NAALADL2: variants seen among roughly 807,000 people sequenced by gnomAD.
NAALADL2 encodes the protein N-acetylated alpha-linked acidic dipeptidase like 2, also known as inactive N-acetylated-alpha-linked acidic dipeptidase-like protein 2.
NAALADL2 carries 76 observed loss-of-function variants against 87.2 expected under a neutral mutation model. The ratio of observed to expected loss-of-function variants is 0.87; its 90% CI spans 0.72 to 1.05. The LOEUF (loss-of-function observed/expected upper bound fraction) is 1.05, where lower values mean the gene tolerates loss of function less well. Ranked by LOEUF, NAALADL2 falls within the 50% of genes least tolerant of loss-of-function variation. The pLI is 0.00. For missense variants in NAALADL2, 1,089 were observed against 945.8 expected, an observed-to-expected ratio of 1.15 and a Z score of -1.99; for synonymous variants, 354 against 331.0, an observed-to-expected ratio of 1.07 and a Z score of -0.75.
At chr3:174,734,439 A>G (rs921623701) in intron 2 of NAALADL2, among the ~76,000 whole-genome samples, 4 of 152,204 alleles carry the variant, frequency 2.6e-5, no homozygotes, top group African/African-American at 9.6e-5. Context: ...GGATACTGGG[A>G]AGTCCAAGAT....
At chr3:175,041,217 C>A (rs1003940095) in intron 1 of NAALADL2, among the ~76,000 whole-genome samples, 1 of 152,056 alleles carries the variant, frequency 6.6e-6, no homozygotes, top group Admixed American at 6.6e-5. Context: ...TCATTTGGCA[C>A]TTCTTCAAGG....
At chr3:175,369,563 A>C (rs1016437675) in intron 5 of NAALADL2, 1 of 152,326 alleles carries the variant, frequency 6.6e-6, no homozygotes, top group Non-Finnish European at 1.5e-5. Context: ...TATACACCTG[A>C]TATGTGTATG....
chr3:174,544,770 C>G (rs147382981), intron 1 of NAALADL2, among the ~76,000 whole-genome samples: 2 of 151,668 alleles, frequency 1.3e-5, no homozygotes, highest in African/African-American at 4.8e-5. Flanking sequence ...GGAGTTTCAC[C>G]GTGTTGGCCA....
intron 5 of NAALADL2, among the ~76,000 whole-genome samples, chr3:175,357,799 C>T (rs543921019): frequency 1.3e-5 from 2 of 152,190 alleles, no homozygotes; most frequent in South Asian, 2.1e-4. Flanking sequence ...GGAGGTTCTA[C>T]TTTATACCTT....
At chr3:174,732,911 C>T (rs568045803) in intron 2 of NAALADL2, among the ~76,000 whole-genome samples, 60 of 152,050 alleles carry the variant, frequency 3.9e-4, no homozygotes, top group African/African-American at 1.4e-3. Context: ...TAGGAAAATC[C>T]AAAATACATG....
intron 5 of NAALADL2, among the ~76,000 whole-genome samples, chr3:175,405,078 T>C (rs191101837): frequency 6.6e-6 from 1 of 152,276 alleles, no homozygotes; most frequent in African/African-American, 2.4e-5. Flanking sequence ...CTTAATTCAT[T>C]GTAACTCATG....
chr3:175,254,480 T>G (rs1469328108), intron 3 of NAALADL2, among the ~76,000 whole-genome samples: 1 of 152,202 alleles, frequency 6.6e-6, no homozygotes, highest in East Asian at 1.9e-4. Context: ...TGTGGTAGTA[T>G]GGAACTGAAC....
intron 2 of NAALADL2, among the ~76,000 whole-genome samples, chr3:175,176,836 T>C (rs1465033407): frequency 2.6e-5 from 4 of 152,100 alleles, no homozygotes; most frequent in African/African-American, 7.2e-5. Flanking sequence ...AACATAGTAC[T>C]GCTGAAACCT....
At chr3:175,033,890 A>C (rs1242612840) in intron 1 of NAALADL2, among the ~76,000 whole-genome samples, 3 of 152,188 alleles carry the variant, frequency 2.0e-5, no homozygotes, top group Non-Finnish European at 4.4e-5. Flanking sequence ...ACTCATATAT[A>C]GAGCTGCCTA....
intron 3 of NAALADL2, among the ~76,000 whole-genome samples, chr3:174,843,403 G>T (rs897679476): frequency 2.0e-4 from 31 of 151,954 alleles, no homozygotes; most frequent in African/African-American, 7.5e-4. Context: ...GCATTCCACT[G>T]ATGATATATA....
intron 3 of NAALADL2, among the ~76,000 whole-genome samples, chr3:174,769,397 TGA>T (rs2109101432): frequency 6.6e-6 from 1 of 152,160 alleles, no homozygotes; most frequent in South Asian, 2.1e-4. Flanking sequence ...CTGTGTTGTT[TGA>T]GTGAGGTGAG....
chr3:175,081,313 G>A (rs1343888850), intron 1 of NAALADL2: 1 of 152,152 alleles, frequency 6.6e-6, no homozygotes, highest in Non-Finnish European at 1.5e-5. Flanking sequence ...TAAGCCAAGT[G>A]TATACACTTT....
At chr3:175,723,973 C>T (rs958571903) in intron 11 of NAALADL2, among the ~76,000 whole-genome samples, 1 of 152,010 alleles carries the variant, frequency 6.6e-6, no homozygotes, top group African/African-American at 2.4e-5. Flanking sequence ...TCCTATTAAC[C>T]TTTGAGATGT....
At position 174,787,372 on chromosome 3, in the gene NAALADL2, G is replaced by T. The variant is rs184487354; in HGVS notation, c.-9+49626G>T. Among the ~76,000 whole-genome samples, 930 of 150,806 alleles carry T rather than the reference G, an allele frequency of 6.2e-3. 8 individuals are homozygous for T. The highest frequency in any genetic ancestry group is 0.021 in the Middle Eastern group (6 of 288). ...AATTATTGGATTTCTTCATTGTTTT[G>T]ACAGAGCCAGCCTGAAAAGTAATCT... On this transcript the variant is annotated intron_variant, in intron 3 of 3. Transcript: ENST00000434257.
chr3:175,773,158 G>T (rs1749735460), intron 13 of NAALADL2: 1 of 152,012 alleles, frequency 6.6e-6, no homozygotes, highest in Non-Finnish European at 1.5e-5. Context: ...TATCACAGTT[G>T]TTATGTTTCT....
chr3:175,172,055 G>A, intron 2 of NAALADL2, among the ~76,000 whole-genome samples: 1 of 152,056 alleles, frequency 6.6e-6, no homozygotes, highest in East Asian at 1.9e-4. Flanking sequence ...AGCTAGAAGA[G>A]AGGACTTGAA....
chr3:175,009,191 C>T (rs1258113099), intron 1 of NAALADL2, among the ~76,000 whole-genome samples: 1 of 152,116 alleles, frequency 6.6e-6, no homozygotes, highest in Non-Finnish European at 1.5e-5. Flanking sequence ...ATTTCTAACA[C>T]GTTCTCAGAT....
At chr3:175,137,571 T>G (rs1729300655) in intron 2 of NAALADL2, among the ~76,000 whole-genome samples, 1 of 151,638 alleles carries the variant, frequency 6.6e-6, no homozygotes, top group Non-Finnish European at 1.5e-5. Context: ...TAGATTACAT[T>G]TCTACAAATG....
intron 1 of NAALADL2, among the ~76,000 whole-genome samples, chr3:174,952,830 G>T (rs1250900508): frequency 6.6e-6 from 1 of 152,098 alleles, no homozygotes; most frequent in African/African-American, 2.4e-5. Flanking sequence ...ATATGTCACT[G>T]ATTGCTGGGT....
Sources: gnomAD v4.1 joint callset for allele counts (sites outside exome capture counted in the v4.1 genomes callset) on GRCh38, gnomAD v4.1.1 for gene constraint, MANE v1.5 for transcripts, NCBI Gene and HGNC (gene_info 2026-07-23, HGNC 2026-07-21) for gene names.